The following ARID4B variants were observed in gnomAD, a reference collection of about 807,000 sequenced individuals.
ARID4B encodes the protein AT-rich interactive domain-containing protein 4B.
ARID4B carries 26 observed loss-of-function variants against 147.5 expected under a neutral mutation model. The observed-to-expected ratio is 0.18, with a 90% CI of 0.13 to 0.24. The LOEUF is 0.24. ARID4B is among the 10% of genes least tolerant of loss of function. The probability of loss-of-function intolerance (pLI) is 1.00; values close to 1 mark genes in which losing one functional copy is unlikely to be tolerated. For synonymous variants in ARID4B, 512 were observed against 507.9 expected (o/e 1.01, Z -0.11); for missense variants, 1,179 against 1,511.5 (o/e 0.78, Z 3.65).
At chr1:235,231,907 G>C (rs1473953355) in intron 9 of ARID4B, among the ~76,000 whole-genome samples, 1 of 152,184 alleles carries the variant, frequency 6.6e-6, no homozygotes. Flanking sequence ...CAAAGTTCAA[G>C]ACCAGGATAG....
rs147755103 is a variant in ARID4B, at chr1:235,267,834, G to A, written c.7-7082C>T. On this transcript the variant is annotated intron_variant, in intron 2 of 23. Coordinates refer to ENST00000264183, the MANE Select transcript of ARID4B (RefSeq NM_016374.6). ...CAGGAGAATGGCATGAACCTGGGAG[G>A]CGGAGCTTGCAGTGAGCCGAGATCG... Among the ~76,000 whole-genome samples the A allele has an allele frequency of 4.4e-3, 664 of 152,128 alleles. 5 individuals are homozygous for A. Among genetic ancestry groups the A allele is most frequent in the African/African-American group, 0.015 (636 of 41,478 alleles).
At chr1:235,228,477 A>AATATTT (rs1389645631) in intron 11 of ARID4B, 5 of 150,130 alleles carry the variant, frequency 3.3e-5, no homozygotes, top group African/African-American at 1.2e-4. Flanking sequence ...TGCCCTGCTA[A>AATATTT]TTATTTTTAT....
chr1:235,185,841 T>G (rs1664634726), intron 19 of ARID4B, among the ~76,000 whole-genome samples: 1 of 152,246 alleles, frequency 6.6e-6, no homozygotes, highest in African/African-American at 2.4e-5. Context: ...GTGGTGATTT[T>G]TTCATTCTTG....
At chr1:235,219,022 C>T (rs949304050) in intron 16 of ARID4B, among the ~76,000 whole-genome samples, 2 of 151,954 alleles carry the variant, frequency 1.3e-5, no homozygotes, top group African/African-American at 2.4e-5. Context: ...CATGTCACCA[C>T]GCCTGACTTC....
intron 9 of ARID4B, among the ~76,000 whole-genome samples, chr1:235,233,752 C>A (rs1572040257): frequency 1.3e-5 from 2 of 152,206 alleles, no homozygotes; most frequent in Middle Eastern, 6.8e-3. Context: ...CCTAATTAGA[C>A]CATCAAGAAC....
At chr1:235,255,852 T>A in intron 4 of ARID4B, 102 bp from the exon 5 acceptor site, 1 of 721,278 alleles carries the variant, frequency 1.4e-6, no homozygotes, top group Non-Finnish European at 2.3e-6. Flanking sequence ...TGGTGAAGAA[T>A]AAAATGACTA....
At chr1:235,315,906 A>G (rs188280200) in intron 2 of ARID4B, among the ~76,000 whole-genome samples, 120 of 152,310 alleles carry the variant, frequency 7.9e-4, no homozygotes, top group African/African-American at 2.7e-3. Context: ...CCAATGTGCC[A>G]TGGTGGTGTG....
chr1:235,233,953 C>T (rs941649237), intron 9 of ARID4B, among the ~76,000 whole-genome samples: 7 of 152,148 alleles, frequency 4.6e-5, no homozygotes, highest in East Asian at 3.9e-4. Flanking sequence ...GTGGCATGCA[C>T]CTATAGTCCC....
intron 9 of ARID4B, among the ~76,000 whole-genome samples, chr1:235,232,494 C>T (rs1299025996): frequency 6.6e-6 from 1 of 151,446 alleles, no homozygotes; most frequent in East Asian, 1.9e-4. Context: ...GTAATCCCAA[C>T]ACTTTGGGGG....
At chr1:235,206,207 G>C (rs936078475) in intron 17 of ARID4B, among the ~76,000 whole-genome samples, 3 of 152,144 alleles carry the variant, frequency 2.0e-5, no homozygotes, top group African/African-American at 7.2e-5. Flanking sequence ...TAGGAGAATA[G>C]ATATGAAACA....
intron 17 of ARID4B, among the ~76,000 whole-genome samples, chr1:235,205,928 G>C (rs149312255): frequency 6.6e-6 from 1 of 152,100 alleles, no homozygotes; most frequent in African/African-American, 2.4e-5. Flanking sequence ...AAACGGTGTC[G>C]TCTCTGTGGA....
At chr1:235,181,467 T>A in intron 20 of ARID4B, 118 bp downstream of exon 20, 1 of 1,331,474 alleles carries the variant, frequency 7.5e-7, no homozygotes, top group Non-Finnish European at 1.0e-6. Context: ...ATTTTTACCA[T>A]GTTCACACAA....
At chr1:235,177,376 A>G (rs780925921) in intron 21 of ARID4B, among the ~76,000 whole-genome samples, 3 of 152,214 alleles carry the variant, frequency 2.0e-5, no homozygotes, top group Admixed American at 1.3e-4. Context: ...AATCAATACC[A>G]CCGCTGAATA....
At chr1:235,288,969 C>T (rs1672155381) in intron 2 of ARID4B, among the ~76,000 whole-genome samples, 1 of 152,178 alleles carries the variant, frequency 6.6e-6, no homozygotes, top group South Asian at 2.1e-4. Flanking sequence ...CAGTTATTAG[C>T]AATGCAATAT....
At chr1:235,308,612 T>C (rs574276500) in intron 2 of ARID4B, among the ~76,000 whole-genome samples, 68 of 152,240 alleles carry the variant, frequency 4.5e-4, no homozygotes, top group Admixed American at 2.0e-3. Flanking sequence ...GTGCCCGCGA[T>C]TGCAGGTGCG....
At chr1:235,192,131 G>A (rs188114959) in intron 19 of ARID4B, among the ~76,000 whole-genome samples, 3 of 152,114 alleles carry the variant, frequency 2.0e-5, no homozygotes, top group Admixed American at 1.3e-4. Flanking sequence ...AAATTACTTA[G>A]GAATATAAAT....
At chr1:235,196,635 C>T (rs1465283648) in intron 17 of ARID4B, among the ~76,000 whole-genome samples, 6 of 151,924 alleles carry the variant, frequency 3.9e-5, no homozygotes, top group East Asian at 1.9e-4. Context: ...GGGCAGATCA[C>T]GAAGTCAGGA....
chr1:235,205,229 AAG>A (rs1394638562), intron 17 of ARID4B, among the ~76,000 whole-genome samples: 3 of 152,224 alleles, frequency 2.0e-5, no homozygotes, highest in African/African-American at 7.2e-5. Context: ...GGAAATAAGA[AAG>A]AAAAAAAATG....
intron 2 of ARID4B, among the ~76,000 whole-genome samples, chr1:235,303,815 C>A (rs1673357441): frequency 1.3e-5 from 2 of 152,154 alleles, no homozygotes; most frequent in Admixed American, 1.3e-4. Context: ...GTAATAAGCA[C>A]TCTTTTATCA....
Sources: allele counts gnomAD v4.1 joint callset (sites outside exome capture counted in the v4.1 genomes callset), GRCh38; gene constraint gnomAD v4.1.1; transcripts MANE v1.5; gene names NCBI Gene and HGNC (gene_info 2026-07-23, HGNC 2026-07-21).